The following PHACTR1 variants were observed in gnomAD, a reference collection of about 807,000 sequenced individuals.
The protein encoded by PHACTR1 is RPEL repeat containing 1.
In PHACTR1, 16 loss-of-function variants were observed where a neutral mutation model predicts 69.2. That is an observed-to-expected ratio of 0.23 (90% CI 0.16 to 0.35). PHACTR1 has a LOEUF of 0.35. Ranked by LOEUF, PHACTR1 falls within the 10% of genes least tolerant of loss-of-function variation. PHACTR1 has a pLI of 1.00. For synonymous variants in PHACTR1, 312 were observed against 284.5 expected (o/e 1.10, Z -0.97); for missense variants, 510 against 734.7 (o/e 0.69, Z 3.54).
chr6:13,170,417 G>A (rs1760425346), intron 6 of PHACTR1, among the ~76,000 whole-genome samples: 1 of 152,142 alleles, frequency 6.6e-6, no homozygotes, highest in South Asian at 2.1e-4. Context: ...GCAGGGCAGG[G>A]TACGTGGGGC....
At chr6:13,209,787 G>C (rs56776396) in intron 8 of PHACTR1, among the ~76,000 whole-genome samples, 3,959 of 152,316 alleles carry the variant, frequency 0.026, 146 homozygotes, top group East Asian at 0.093. Flanking sequence ...CTGACTGTTA[G>C]AAAGTTCCCT....
At chr6:13,248,424 G>A (rs1481819048) in intron 10 of PHACTR1, among the ~76,000 whole-genome samples, 1 of 152,214 alleles carries the variant, frequency 6.6e-6, no homozygotes, top group Non-Finnish European at 1.5e-5. Flanking sequence ...CACATATTAA[G>A]TGATCTCTAT....
chr6:12,756,791 C>T (rs1767375359), intron 4 of PHACTR1, among the ~76,000 whole-genome samples: 1 of 152,190 alleles, frequency 6.6e-6, no homozygotes, highest in South Asian at 2.1e-4. Flanking sequence ...CATTTGTAGA[C>T]ATGGAAAGGC....
At chr6:12,898,866 G>A (rs1004273711) in intron 4 of PHACTR1, among the ~76,000 whole-genome samples, 3 of 152,072 alleles carry the variant, frequency 2.0e-5, no homozygotes, top group African/African-American at 4.8e-5. Context: ...CCCCTGCACC[G>A]CACTGCAGCC....
intron 3 of PHACTR1, among the ~76,000 whole-genome samples, chr6:12,740,217 T>C (rs1483205510): frequency 6.6e-6 from 1 of 152,194 alleles, no homozygotes; most frequent in African/African-American, 2.4e-5. Flanking sequence ...TGTTTATATA[T>C]TTTCCTGTTG....
chr6:12,974,987 T>C (rs1794687835), intron 4 of PHACTR1, among the ~76,000 whole-genome samples: 1 of 152,096 alleles, frequency 6.6e-6, no homozygotes, highest in African/African-American at 2.4e-5. Context: ...GAGCATTGTC[T>C]CCCATACTCC....
At chr6:13,234,043 T>C (rs922162138) in intron 10 of PHACTR1, among the ~76,000 whole-genome samples, 3 of 152,230 alleles carry the variant, frequency 2.0e-5, no homozygotes, top group African/African-American at 7.2e-5. Flanking sequence ...CTCAAGGTCA[T>C]TTTTGAGGTA....
chr6:13,010,532 T>A (rs1799330806), intron 4 of PHACTR1, among the ~76,000 whole-genome samples: 1 of 152,236 alleles, frequency 6.6e-6, no homozygotes, highest in Admixed American at 6.5e-5. Context: ...AGAGTGTGCA[T>A]CTGAAACCTC....
intron 10 of PHACTR1, among the ~76,000 whole-genome samples, chr6:13,268,048 C>T (rs1777057320): frequency 6.6e-6 from 1 of 152,060 alleles, no homozygotes; most frequent in Non-Finnish European, 1.5e-5. Context: ...GGGTGGATCA[C>T]CTGAGGTCAG....
At chr6:12,944,708 C>T (rs1348104747) in intron 4 of PHACTR1, among the ~76,000 whole-genome samples, 2 of 152,018 alleles carry the variant, frequency 1.3e-5, no homozygotes, top group South Asian at 2.1e-4. Flanking sequence ...AGAAAGTTCC[C>T]GTGAATGGGG....
At chr6:12,824,022 A>T (rs1776505388) in intron 4 of PHACTR1, among the ~76,000 whole-genome samples, 1 of 152,162 alleles carries the variant, frequency 6.6e-6, no homozygotes, top group Non-Finnish European at 1.5e-5. Context: ...TGAGCTGCAT[A>T]GCAGGAGGTG....
At chr6:12,767,445 A>C (rs1768773741) in intron 4 of PHACTR1, among the ~76,000 whole-genome samples, 1 of 152,224 alleles carries the variant, frequency 6.6e-6, no homozygotes, top group African/African-American at 2.4e-5. Context: ...ATGGAGAAAA[A>C]GGTTTCCTTC....
chr6:13,133,419 G>A (rs1048694425), intron 5 of PHACTR1, among the ~76,000 whole-genome samples: 2 of 151,710 alleles, frequency 1.3e-5, no homozygotes, highest in African/African-American at 4.8e-5. Context: ...TCAGCCTGCC[G>A]AGTCCCTGGG....
intron 4 of PHACTR1, among the ~76,000 whole-genome samples, chr6:12,776,168 A>G (rs145383608): frequency 1.3e-5 from 2 of 152,192 alleles, no homozygotes; most frequent in Non-Finnish European, 2.9e-5. Context: ...TTTAAATGGG[A>G]TATTTTTAAA....
intron 4 of PHACTR1, among the ~76,000 whole-genome samples, chr6:12,985,539 A>T (rs59490425): frequency 0.094 from 12,437 of 132,580 alleles, 645 homozygotes; most frequent in African/African-American, 0.18. Flanking sequence ...AAAAAAAAAA[A>T]AAATATATAT....
chr6:13,067,815 G>T (rs1190122880), intron 5 of PHACTR1, among the ~76,000 whole-genome samples: 1 of 152,114 alleles, frequency 6.6e-6, no homozygotes, highest in African/African-American at 2.4e-5. Context: ...GGCTAGATAG[G>T]CACAGAAATA....
At chr6:12,753,911 T>C (rs1173972348) in intron 4 of PHACTR1, among the ~76,000 whole-genome samples, 1 of 150,786 alleles carries the variant, frequency 6.6e-6, no homozygotes, top group Non-Finnish European at 1.5e-5. Context: ...CATCATCACT[T>C]AGCAATGAGA....
At chr6:13,164,928 A>G (rs1168227174) in intron 6 of PHACTR1, among the ~76,000 whole-genome samples, 1 of 146,136 alleles carries the variant, frequency 6.8e-6, no homozygotes. Context: ...TGTGTTAGAC[A>G]AGAAGAGCAT....
In PHACTR1 at chr6:12,769,115, C is replaced by T. The variant is rs138004351; in HGVS notation, c.250+19325C>T. Among the ~76,000 whole-genome samples, 272 of 151,992 alleles carry T rather than the reference C, an allele frequency of 1.8e-3. 1 individual carries two copies. Among genetic ancestry groups the T allele is most frequent in the African/African-American group, 6.0e-3 (249 of 41,482 alleles). On this transcript the variant is annotated intron_variant, in intron 4 of 14. Transcript: ENST00000332995. ...GGAGGACTGGGAGAGGTTGGTCAAT[C>T]GGTACAGTTACAGTTAAATAGGAGG...
Sources: allele counts gnomAD v4.1 joint callset (sites outside exome capture counted in the v4.1 genomes callset), GRCh38; gene constraint gnomAD v4.1.1; transcripts MANE v1.5; gene names NCBI Gene and HGNC (gene_info 2026-07-23, HGNC 2026-07-21).